The following HDLBP variants were observed in gnomAD, a reference collection of about 807,000 sequenced individuals.
The protein encoded by HDLBP is vigilin.
Under a neutral mutation model 137.3 loss-of-function variants are expected in HDLBP, and 30 were observed. The observed-to-expected ratio is 0.22, with a 90% CI of 0.16 to 0.30. HDLBP has a LOEUF of 0.30. Among genes scored for constraint, HDLBP ranks in the 10% least tolerant of loss-of-function variants. The probability of loss-of-function intolerance (pLI) is 1.00; values close to 1 mark genes in which losing one functional copy is unlikely to be tolerated. For synonymous variants in HDLBP, 606 were observed against 596.0 expected (o/e 1.02, Z -0.24); for missense variants, 1,119 against 1,667.3 (o/e 0.67, Z 5.73).
intron 12 of HDLBP, chr2:241,249,294 G>T (rs1234115733): frequency 2.1e-6 from 1 of 470,716 alleles, no homozygotes. Context: ...CACTCACGCA[G>T]TATTTGACTT....
At chr2:241,293,534 C>G (rs535585383) in intron 1 of HDLBP, among the ~76,000 whole-genome samples, 1 of 151,642 alleles carries the variant, frequency 6.6e-6, no homozygotes, top group African/African-American at 2.4e-5. Flanking sequence ...ATCGCCTGAG[C>G]CCAGGAGGTT....
chr2:241,289,494 G>A (rs911101305), intron 1 of HDLBP, among the ~76,000 whole-genome samples: 2 of 152,216 alleles, frequency 1.3e-5, no homozygotes, highest in Admixed American at 1.3e-4. Context: ...TCTATGCAAA[G>A]TTAGACAATG....
At chr2:241,248,978 T>C (rs1187731149) in intron 12 of HDLBP, among the ~76,000 whole-genome samples, 1 of 152,080 alleles carries the variant, frequency 6.6e-6, no homozygotes, top group African/African-American at 2.4e-5. Context: ...GGCTATTGGC[T>C]GACAGAGAAG....
rs569967328 is a variant in HDLBP at position 241,237,548 on chromosome 2, T to A, written c.2750-779A>T. ...TGATCCTAGGATGGGGAAGTAGGTG[T>A]TTCTGAAGGAGAAAAACTGGCAAAT... On this transcript the variant is annotated intron_variant, in intron 20 of 27. Transcript: ENST00000310931. Among the ~76,000 whole-genome samples, 229 of 152,212 alleles carry A rather than the reference T, an allele frequency of 1.5e-3. 2 individuals carry two copies. The highest frequency in any genetic ancestry group is 2.3e-3 in the Non-Finnish European group (154 of 68,010).
At chr2:241,267,695 G>A (rs1285249302) in intron 2 of HDLBP, 12 of 1,535,322 alleles carry the variant, frequency 7.8e-6, no homozygotes, top group Non-Finnish European at 2.6e-6. Flanking sequence ...TAACCAGGTG[G>A]TTATAAGTGG....
At position 241,240,695 on chromosome 2, in the gene HDLBP, C is replaced by A. The variant is rs919181480; in HGVS notation, c.2170-573G>T. On this transcript the variant is annotated intron_variant, in intron 17 of 27. Transcript: ENST00000310931. The surrounding 1 kb of genome is among the most constrained non-coding windows in gnomAD (Gnocchi z 5.5). ...TCAGAGGGACACAAGCCAACCAAGGCTACAGTTAGAGACCGGTCCTCAGAG... is the reference window on the plus strand; with the variant it reads ...TCAGAGGGACACAAGCCAACCAAGGATACAGTTAGAGACCGGTCCTCAGAG... Among the ~76,000 whole-genome samples the A allele has an allele frequency of 2.0e-5, 3 of 151,964 alleles. No individual in the cohort carries two copies. The highest frequency in any genetic ancestry group is 6.5e-5 in the Admixed American group (1 of 15,282).
At chr2:241,286,001 A>G (rs2074791415) in intron 1 of HDLBP, among the ~76,000 whole-genome samples, 1 of 152,238 alleles carries the variant, frequency 6.6e-6, no homozygotes, top group African/African-American at 2.4e-5. Context: ...AGCCTGGGAA[A>G]AAGAGCAAGA....
At chr2:241,236,447 G>C (rs2070455719) in intron 21 of HDLBP, 168 bp downstream of exon 21, 3 of 680,936 alleles carry the variant, frequency 4.4e-6, no homozygotes, top group Non-Finnish European at 7.6e-6. Context: ...CCCAAACTCT[G>C]TGTCCAGCCG....
rs573382090 is a variant in HDLBP at position 241,312,915 on chromosome 2, A to G, written c.-103+2655T>C. Among the ~76,000 whole-genome samples, 22 of 152,350 alleles carry G rather than the reference A, an allele frequency of 1.4e-4. 1 individual carries two copies. In the South Asian group the frequency reaches 3.5e-3, roughly 24 times the overall value. On this transcript the variant is annotated intron_variant, in intron 1 of 27. Coordinates refer to ENST00000310931, the MANE Select transcript of HDLBP (RefSeq NM_005336.6). Reference sequence around the variant, plus strand: ...TCTTAGATAAAACTCACTGAAGGGCATCAAGTCCTTCAGTACACAGTCTGA... The same window carrying G: ...TCTTAGATAAAACTCACTGAAGGGCGTCAAGTCCTTCAGTACACAGTCTGA...
At chr2:241,279,792 GC>G (rs1187368606) in intron 1 of HDLBP, among the ~76,000 whole-genome samples, 1 of 152,204 alleles carries the variant, frequency 6.6e-6, no homozygotes, top group African/African-American at 2.4e-5. Flanking sequence ...GCTTTCCTGG[GC>G]AAAAGGAAAT....
intron 24 of HDLBP, among the ~76,000 whole-genome samples, chr2:241,232,189 G>GA (rs1184477147): frequency 2.0e-5 from 3 of 152,084 alleles, no homozygotes; most frequent in Non-Finnish European, 2.9e-5. Flanking sequence ...CAGCTCACAG[G>GA]AAAAAGCTGC....
chr2:241,236,978 G>GGGGC (rs2070582142), intron 20 of HDLBP, among the ~76,000 whole-genome samples: 1 of 6,636 alleles, frequency 1.5e-4, no homozygotes, highest in African/African-American at 5.0e-4. Flanking sequence ...CCCAGACCTT[G>GGGGC]GGGGGGGGGG....
chr2:241,242,341 A>T (rs1375564146), intron 17 of HDLBP, 119 bp downstream of exon 17: 1 of 793,834 alleles, frequency 1.3e-6, no homozygotes. Flanking sequence ...TACATTATAG[A>T]GCTGTTTTCT....
At chr2:241,249,601 G>A (rs776308360) in intron 12 of HDLBP, among the ~76,000 whole-genome samples, 15 of 152,256 alleles carry the variant, frequency 9.9e-5, no homozygotes, top group Non-Finnish European at 8.8e-5. Flanking sequence ...AGGCCAAGAC[G>A]CTGCCACACA....
At chr2:241,247,226 G>C in intron 14 of HDLBP, 84 bp from the exon 15 acceptor site, 1 of 832,102 alleles carries the variant, frequency 1.2e-6, no homozygotes, top group South Asian at 1.4e-5. Context: ...AGGGTAGCAT[G>C]AACACGACAG....
chr2:241,284,656 AAAC>A (rs2149629621), intron 1 of HDLBP, among the ~76,000 whole-genome samples: 1 of 152,350 alleles, frequency 6.6e-6, no homozygotes, highest in Non-Finnish European at 1.5e-5. Flanking sequence ...AAATGCAATC[AAAC>A]AACATCACGT....
At chr2:241,263,876 G>C (rs566056543) in intron 4 of HDLBP, among the ~76,000 whole-genome samples, 1 of 152,214 alleles carries the variant, frequency 6.6e-6, no homozygotes, top group East Asian at 1.9e-4. Flanking sequence ...CTGTCCTACT[G>C]AGTGCTAGCA....
intron 1 of HDLBP, among the ~76,000 whole-genome samples, chr2:241,312,147 T>C (rs534432288): frequency 6.6e-6 from 1 of 152,210 alleles, no homozygotes; most frequent in Non-Finnish European, 1.5e-5. Flanking sequence ...AACCTTGATT[T>C]GAAATAAGAT....
At chr2:241,311,279 G>A (rs868542607) in intron 1 of HDLBP, among the ~76,000 whole-genome samples, 5 of 152,320 alleles carry the variant, frequency 3.3e-5, no homozygotes, top group Middle Eastern at 3.4e-3. Context: ...TAGAGACCGC[G>A]GAGCAAAATG....
Sources: gnomAD v4.1 joint callset for allele counts (sites outside exome capture counted in the v4.1 genomes callset) on GRCh38, gnomAD v4.1.1 for gene constraint, Gnocchi (gnomAD v3.1) non-coding constraint, MANE v1.5 for transcripts, NCBI Gene and HGNC (gene_info 2026-07-23, HGNC 2026-07-21) for gene names.